Variants in FRAS1 observed in about 807,000 individuals in gnomAD.
FRAS1 encodes Fraser extracellular matrix complex subunit 1, also known as extracellular matrix organizing protein FRAS1.
A neutral mutation model predicts 435.2 loss-of-function variants in FRAS1; 290 were observed. That is an observed-to-expected ratio of 0.67 (90% CI 0.61 to 0.73). FRAS1 has a LOEUF of 0.73. FRAS1 is among the 30% of genes least tolerant of loss of function. The probability of loss-of-function intolerance (pLI) is 0.00; values close to 1 mark genes in which losing one functional copy is unlikely to be tolerated. For synonymous variants in FRAS1, 1,800 were observed against 1,851.0 expected (o/e 0.97, Z 0.71); for missense variants, 4,860 against 5,001.5 (o/e 0.97, Z 0.85).
chr4:78,458,000 G>A (rs1484343), intron 47 of FRAS1, among the ~76,000 whole-genome samples: 112,192 of 152,116 alleles, frequency 0.74, 41,739 homozygotes, highest in African/African-American at 0.79. Context: ...ATGACAGCCC[G>A]TGTGGCTTGG....
chr4:78,502,138 A>G (rs1338422604), intron 61 of FRAS1, among the ~76,000 whole-genome samples: 1 of 152,276 alleles, frequency 6.6e-6, no homozygotes, highest in African/African-American at 2.4e-5. Context: ...GTATAGTTTG[A>G]AGTCAGGTAT....
intron 1 of FRAS1, among the ~76,000 whole-genome samples, chr4:78,063,233 C>T (rs1739837955): frequency 6.6e-6 from 1 of 152,158 alleles, no homozygotes; most frequent in Admixed American, 6.5e-5. Flanking sequence ...CACCCAGTAC[C>T]CATGTCAACA....
At chr4:78,524,343 C>T (rs1721471319) in intron 69 of FRAS1, among the ~76,000 whole-genome samples, 1 of 152,156 alleles carries the variant, frequency 6.6e-6, no homozygotes, top group South Asian at 2.1e-4. Context: ...ACCAAGCACT[C>T]CATGCTAAAC....
intron 64 of FRAS1, 117 bp downstream of exon 64, chr4:78,511,623 A>G: frequency 1.2e-6 from 1 of 844,882 alleles, no homozygotes; most frequent in South Asian, 1.4e-5. Context: ...TGTGATGATG[A>G]ATGCATCAGT....
chr4:78,462,852 A>C (rs1719412082), intron 47 of FRAS1, among the ~76,000 whole-genome samples: 1 of 152,236 alleles, frequency 6.6e-6, no homozygotes. Context: ...ATTTCAGATG[A>C]TAAGGAGAGA....
At chr4:78,241,654 G>A (rs1038247480) in intron 3 of FRAS1, among the ~76,000 whole-genome samples, 1 of 152,072 alleles carries the variant, frequency 6.6e-6, no homozygotes, top group Non-Finnish European at 1.5e-5. Flanking sequence ...AGGCCAGCTG[G>A]GGGTTGAAAG....
At chr4:78,368,868 G>T (rs1731382947) in intron 22 of FRAS1, among the ~76,000 whole-genome samples, 2 of 152,194 alleles carry the variant, frequency 1.3e-5, no homozygotes, top group Admixed American at 1.3e-4. Flanking sequence ...GGAGGGAATG[G>T]TAGGGGAGCA....
At chr4:78,507,345 C>A in intron 61 of FRAS1, 76 bp from the exon 62 acceptor site, 1 of 1,232,882 alleles carries the variant, frequency 8.1e-7, no homozygotes, top group Non-Finnish European at 1.1e-6. Context: ...AATGTCTCAG[C>A]AGTGCCAAGC....
chr4:78,074,778 C>A (rs1297170080), intron 2 of FRAS1, among the ~76,000 whole-genome samples: 1 of 152,166 alleles, frequency 6.6e-6, no homozygotes, highest in Non-Finnish European at 1.5e-5. Flanking sequence ...CCTTCCTTCC[C>A]TCAGTTCTGA....
intron 34 of FRAS1, among the ~76,000 whole-genome samples, 156 bp downstream of exon 34, chr4:78,422,156 T>C (rs1280664217): frequency 6.6e-6 from 1 of 151,956 alleles, no homozygotes; most frequent in Non-Finnish European, 1.5e-5. Flanking sequence ...AATATGTAAC[T>C]TGAACTCAGT....
At chr4:78,330,869 T>C (rs1416233086) in intron 18 of FRAS1, among the ~76,000 whole-genome samples, 1 of 152,232 alleles carries the variant, frequency 6.6e-6, no homozygotes, top group African/African-American at 2.4e-5. Context: ...ATTCTATTAC[T>C]TTGTGAAGTA....
chr4:78,168,491 C>A lies in FRAS1; in HGVS notation c.109-69019C>A, dbSNP rs372330455. On this transcript the variant is annotated intron_variant, in intron 2 of 73. Transcript: ENST00000512123. ...CACAGGATGGTTTGGCAAATATAAA[C>A]CTAATCTAAAACTTCAAATTTTTTT... 1.4e-3 allele frequency among the ~76,000 whole-genome samples: 211 copies of A among 151,940 alleles called. 3 individuals are homozygous for A. The highest frequency in any genetic ancestry group is 4.9e-3 in the African/African-American group (202 of 41,470).
At chr4:78,181,869 G>T (rs561691658) in intron 2 of FRAS1, 28 of 1,611,814 alleles carry the variant, frequency 1.7e-5, no homozygotes, top group Non-Finnish European at 2.2e-5. Context: ...GAGTTGGTCT[G>T]GGCCGCCGCC....
intron 15 of FRAS1, among the ~76,000 whole-genome samples, chr4:78,312,279 C>G (rs1398812756): frequency 6.7e-6 from 1 of 150,340 alleles, no homozygotes; most frequent in South Asian, 2.1e-4. Flanking sequence ...TTCAGCCTAG[C>G]CTTCCTTATT....
At chr4:78,227,080 C>A (rs1311481971) in intron 2 of FRAS1, among the ~76,000 whole-genome samples, 2 of 152,120 alleles carry the variant, frequency 1.3e-5, no homozygotes, top group Non-Finnish European at 2.9e-5. Context: ...AGATATGTAT[C>A]TATTGTCTTT....
chr4:78,448,862 G>T (rs75908048), intron 44 of FRAS1, among the ~76,000 whole-genome samples: 3,939 of 152,294 alleles, frequency 0.026, 170 homozygotes, highest in African/African-American at 0.09. Flanking sequence ...TGACAAGTGT[G>T]AGTCTTGAAC....
At position 78,303,707 on chromosome 4, in the gene FRAS1, T is replaced by G. The variant is rs540883272; in HGVS notation, c.1535-4359T>G. Reference sequence around the variant, plus strand: ...TTGTGATTTTTGTACATTGATTTTGTATCCTGAGACTTTGCTGAAGTTGCT... The same window carrying G: ...TTGTGATTTTTGTACATTGATTTTGGATCCTGAGACTTTGCTGAAGTTGCT... On this transcript the variant is annotated intron_variant, in intron 14 of 73. Coordinates refer to ENST00000512123, the MANE Select transcript of FRAS1 (RefSeq NM_025074.7). 2.8e-3 allele frequency among the ~76,000 whole-genome samples: 432 copies of G among 152,328 alleles called. 2 individuals carry two copies. The highest frequency in any genetic ancestry group is 9.3e-3 in the African/African-American group (385 of 41,568).
chr4:78,419,499 T>A (rs1489897183), intron 33 of FRAS1, among the ~76,000 whole-genome samples: 2 of 152,174 alleles, frequency 1.3e-5, no homozygotes, highest in African/African-American at 4.8e-5. Context: ...CCACACATAT[T>A]CAGTTCCTTC....
chr4:78,441,606 G>A (rs549723767), intron 41 of FRAS1, among the ~76,000 whole-genome samples: 37 of 150,422 alleles, frequency 2.5e-4, no homozygotes, highest in African/African-American at 9.1e-4. Flanking sequence ...AGAAGATTGA[G>A]TACGATGTTA....
Sources: allele counts gnomAD v4.1 joint callset (sites outside exome capture counted in the v4.1 genomes callset), GRCh38; gene constraint gnomAD v4.1.1; transcripts MANE v1.5; gene names NCBI Gene and HGNC (gene_info 2026-07-23, HGNC 2026-07-21).